Variants in NID2 observed in about 807,000 individuals in gnomAD.
The protein encoded by NID2 is nidogen 2.
In NID2, 83 loss-of-function variants were observed where a neutral mutation model predicts 145.4. The ratio of observed to expected loss-of-function variants is 0.57; its 90% CI spans 0.48 to 0.69. NID2 has a LOEUF of 0.69. Among genes scored for constraint, NID2 ranks in the 30% least tolerant of loss-of-function variants. NID2 has a pLI of 0.00. For synonymous variants in NID2, 739 were observed against 701.3 expected (o/e 1.05, Z -0.85); for missense variants, 1,807 against 1,765.7 (o/e 1.02, Z -0.42).
At position 52,042,909 on chromosome 14, in the gene NID2, G is replaced by T; in HGVS notation, c.1452C>A (p.Asn484Lys). The T allele has an allele frequency of 5.6e-6, 9 of 1,614,212 alleles. No individual in the cohort carries two copies. Among genetic ancestry groups the T allele is most frequent in the Non-Finnish European group, 7.6e-6 (9 of 1,180,044 alleles). ...TGTGGTTGTGTTCACAGGTTTCCTT[G>T]TTGGCAGCATTATACGTGAAGACTG... ...NTEVFTYNAANKETCEHNHRQ... is the reference protein window; with the variant it reads ...NTEVFTYNAAKKETCEHNHRQ... The change falls in exon 6 of 22, where the codon AAC (asparagine) becomes AAA (lysine). Residue 484 changes from asparagine to lysine, a missense_variant. By Grantham distance (94) the Asn-to-Lys change is moderately conservative (BLOSUM62 0). Coordinates refer to ENST00000216286, the MANE Select transcript of NID2 (RefSeq NM_007361.4).
chr14:52,009,001 G>C (rs892333772), intron 18 of NID2: 1 of 152,214 alleles, frequency 6.6e-6, no homozygotes, highest in Non-Finnish European at 1.5e-5. Context: ...TTTATCGTTA[G>C]AGCAGAAATA....
intron 12 of NID2, 110 bp downstream of exon 12, chr14:52,027,091 C>G: frequency 8.7e-7 from 1 of 1,149,420 alleles, no homozygotes; most frequent in Non-Finnish European, 1.2e-6. Flanking sequence ...AGCCACAAGG[C>G]TGTTAGAGTC....
intron 6 of NID2, among the ~76,000 whole-genome samples, 189 bp from the exon 7 acceptor site, chr14:52,042,539 T>C (rs947796999): frequency 9.6e-5 from 5 of 51,910 alleles, no homozygotes; most frequent in Admixed American, 3.6e-4. Flanking sequence ...CCCTCCTCCT[T>C]CTACTCCACT....
chr14:52,068,249 T>A, intron 1 of NID2, 86 bp from the exon 2 acceptor site: 1 of 1,332,706 alleles, frequency 7.5e-7, no homozygotes, highest in South Asian at 1.2e-5. Context: ...GGAACTGACT[T>A]AGGCAAAAAG....
Position 52,054,283 on chromosome 14 carries a change from T to A in NID2, c.806A>T (p.His269Leu). The change falls in exon 4 of 22, where the codon CAT (histidine) becomes CTT (leucine). Residue 269 changes from histidine to leucine, a missense_variant. Coordinates refer to ENST00000216286, the MANE Select transcript of NID2 (RefSeq NM_007361.4). ...GTCCAACGGGGAAGTGCTGCCGATATGGAAAGCCCACACTCCAGGGATCCC... is the reference window on the plus strand; with the variant it reads ...GTCCAACGGGGAAGTGCTGCCGATAAGGAAAGCCCACACTCCAGGGATCCC... ...NLGIPGVWAF[H>L]IGSTSPLDNV... The A allele has an allele frequency of 6.2e-7, 1 of 1,614,114 alleles. No individual in the cohort carries two copies. The highest frequency in any genetic ancestry group is 8.5e-7 in the Non-Finnish European group (1 of 1,179,994).
At chr14:52,065,038 G>A (rs943502246) in intron 2 of NID2, among the ~76,000 whole-genome samples, 1 of 152,156 alleles carries the variant, frequency 6.6e-6, no homozygotes, top group Non-Finnish European at 1.5e-5. Context: ...AACTACCTAT[G>A]AGAGTTCAAG....
intron 5 of NID2, among the ~76,000 whole-genome samples, chr14:52,048,263 A>G (rs1566128): frequency 0.56 from 85,366 of 152,060 alleles, 24,330 homozygotes; most frequent in Middle Eastern, 0.6. Flanking sequence ...CTTTAGTGAA[A>G]GTAATACAGA....
intron 12 of NID2, among the ~76,000 whole-genome samples, chr14:52,026,235 C>T (rs192923731): frequency 3.3e-5 from 5 of 152,180 alleles, no homozygotes; most frequent in Admixed American, 2.6e-4. Context: ...GAGGGAGGCC[C>T]GTGCTATTCG....
At chr14:52,005,615 G>GC (rs1388929437) in intron 21 of NID2, 119 bp from the exon 22 acceptor site, 2 of 1,427,176 alleles carry the variant, frequency 1.4e-6, no homozygotes, top group African/African-American at 2.8e-5. Flanking sequence ...GTAAAGACTG[G>GC]CCCTCAGGGC....
Position 52,011,632 on chromosome 14 carries a change from A to G in NID2, c.3472T>C (p.Trp1158Arg), listed in dbSNP as rs1383249253. ...ATTGTCCGTCCAGCAACATCTGTCC[A>G]GTACACCATCCTCTCCCGGCAGTCG... ...DYDCRERMVY[W>R]TDVAGRTISR... The change falls in exon 17 of 22, where the codon TGG becomes CGG. Residue 1158 changes from tryptophan to arginine, a missense_variant. Coordinates refer to ENST00000216286, the MANE Select transcript of NID2 (RefSeq NM_007361.4). The G allele has an allele frequency of 6.2e-7, 1 of 1,614,208 alleles. No homozygotes were observed. Among genetic ancestry groups the G allele is most frequent in the South Asian group, 1.1e-5 (1 of 91,086 alleles).
rs1892985040 is a variant in NID2, at chr14:52,060,343, T to C, written c.548A>G (p.Gln183Arg). ...ALPSGELNTFQAVLASDGSDS... is the reference protein window; with the variant it reads ...ALPSGELNTFRAVLASDGSDS... ...AGACCCATCAGATGCCAAAACTGCC[T>C]GGAAAGTGTTCAGCTGTGAGGAAAA... The change falls in exon 3 of 22, where the codon CAG becomes CGG. Residue 183 changes from glutamine (Q) to arginine (R), a missense_variant. Transcript: ENST00000216286. 6.6e-7 allele frequency: 1 copy of C among 1,512,234 alleles called. No individual in the cohort carries two copies. The highest frequency in any genetic ancestry group is 8.9e-7 in the Non-Finnish European group (1 of 1,123,106). 93.7% of individuals were successfully genotyped at this position (1,512,234 alleles called of 1,614,324 possible). A position where few individuals can be genotyped will look rare whatever the true frequency, so the allele number is the denominator to read the frequency against.
intron 2 of NID2, among the ~76,000 whole-genome samples, chr14:52,063,564 A>C (rs1390966): frequency 0.18 from 27,397 of 152,242 alleles, 3,312 homozygotes; most frequent in East Asian, 0.5. Flanking sequence ...AGCTATCTGG[A>C]CAAAAATCAG....
chr14:52,049,008 G>A (rs955480848), intron 5 of NID2, among the ~76,000 whole-genome samples: 1 of 152,142 alleles, frequency 6.6e-6, no homozygotes, highest in Admixed American at 6.5e-5. Flanking sequence ...ATGCCAGGAA[G>A]CTCCTGCCAC....
intron 16 of NID2, chr14:52,012,135 C>G (rs1595002188): frequency 6.5e-6 from 1 of 153,164 alleles, no homozygotes; most frequent in Non-Finnish European, 1.5e-5. Flanking sequence ...AAAACTGAAT[C>G]TTTTCCCAAT....
chr14:52,007,636 A>G, intron 19 of NID2, 174 bp downstream of exon 19: 1 of 650,328 alleles, frequency 1.5e-6, no homozygotes, highest in Non-Finnish European at 2.7e-6. Context: ...CCCAAACCCC[A>G]GAAAGTTCAT....
Position 52,042,135 on chromosome 14 carries a change from G to C in NID2, c.1795C>G (p.Pro599Ala), listed in dbSNP as rs775576801. ...LFGWLFALEK[P>A]GSENGFSLAG... The stretch of plus-strand genomic sequence containing the variant: ...AGGCTGAAGCCGTTCTCAGAGCCAG[G>C]TTTTTCTAAAGCAAAGAGCCAGCCA... Residue 599 changes from proline to alanine, a missense_variant, in exon 7 of 22, where the codon CCT (proline) becomes GCT (alanine). Pro to Ala is a conservative substitution (Grantham distance 27). Coordinates refer to ENST00000216286, the MANE Select transcript of NID2 (RefSeq NM_007361.4). The C allele has an allele frequency of 2.5e-6, 4 of 1,607,492 alleles. No individual in the cohort carries two copies. In the Admixed American group the frequency reaches 6.7e-5, roughly 27 times the overall value.
intron 12 of NID2, among the ~76,000 whole-genome samples, chr14:52,023,979 C>G (rs544692126): frequency 5.3e-5 from 8 of 152,348 alleles, no homozygotes; most frequent in East Asian, 1.9e-4. Context: ...TCTTTGGTCA[C>G]TGAGACACAT....
intron 2 of NID2, among the ~76,000 whole-genome samples, chr14:52,065,977 G>A (rs1026466993): frequency 6.6e-6 from 1 of 150,396 alleles, no homozygotes; most frequent in African/African-American, 2.5e-5. Flanking sequence ...GTGTGCATGT[G>A]TCTTTATAGC....
Position 52,054,140 on chromosome 14 carries a change from A to T in NID2, c.949T>A (p.Tyr317Asn). The T allele has an allele frequency of 6.2e-7, 1 of 1,614,112 alleles. No homozygotes were observed. The highest frequency in any genetic ancestry group is 8.5e-7 in the Non-Finnish European group (1 of 1,180,008). Residue 317 changes from tyrosine (Y) to asparagine (N), a missense_variant, in exon 4 of 22, where the codon TAC (tyrosine) becomes AAC (asparagine). Transcript: ENST00000216286. The part of the protein sequence containing the change: ...ESDYNEDNLD[Y>N]YDVNEEEAEY... ...GCTTCCTCCTCATTCACATCATAGT[A>T]ATCCAAATTGTCCTCATTATAGTCA...
Sources: allele counts gnomAD v4.1 joint callset (sites outside exome capture counted in the v4.1 genomes callset), GRCh38; gene constraint gnomAD v4.1.1; transcripts MANE v1.5; gene names NCBI Gene and HGNC (gene_info 2026-07-23, HGNC 2026-07-21).